Variants in UGT1A7 observed in about 807,000 individuals in gnomAD.
The protein encoded by UGT1A7 is UDP glucuronosyltransferase family 1 member A7, also known as UDP-glucuronosyltransferase 1A7.
Under a neutral mutation model 45.6 loss-of-function variants are expected in UGT1A7, and 33 were observed. That is an observed-to-expected ratio of 0.72 (90% CI 0.55 to 0.97). The LOEUF is 0.97. Ranked by LOEUF, UGT1A7 falls within the 50% of genes least tolerant of loss-of-function variation. The pLI is 0.00. For synonymous variants in UGT1A7, 274 were observed against 250.6 expected (o/e 1.09, Z -0.88); for missense variants, 684 against 666.2 (o/e 1.03, Z -0.29).
At chr2:233,705,203 C>T (rs1366859032) in intron 1 of UGT1A7, among the ~76,000 whole-genome samples, 1 of 151,508 alleles carries the variant, frequency 6.6e-6, no homozygotes, top group Non-Finnish European at 1.5e-5. Flanking sequence ...CCTTTTATAA[C>T]TACATGATTA....
rs543813427 is a variant in UGT1A7, at chr2:233,762,081, T to A, written c.856-4953T>A. Among the ~76,000 whole-genome samples, 15 of 152,334 alleles carry A rather than the reference T, an allele frequency of 9.8e-5. No homozygotes were observed. In the South Asian group the frequency reaches 3.1e-3, roughly 32 times the overall value. On this transcript the variant is annotated intron_variant, in intron 1 of 4. Transcript: ENST00000373426. ...TAGCACATCAAATATGGCAGCCATT[T>A]CACTTAGATAGTTGTTGATTGTCCG...
chr2:233,687,382 A>T (rs951663704), intron 1 of UGT1A7, among the ~76,000 whole-genome samples: 1 of 152,126 alleles, frequency 6.6e-6, no homozygotes, highest in African/African-American at 2.4e-5. Context: ...AGAATTTGCA[A>T]ATTAAATATA....
chr2:233,743,474 G>T (rs762879751), intron 1 of UGT1A7: 8 of 1,366,712 alleles, frequency 5.9e-6, no homozygotes, highest in Middle Eastern at 2.1e-4. Context: ...CCAAAAGCTG[G>T]AAATTCACTG....
At chr2:233,713,891 C>G in intron 1 of UGT1A7, 4 of 1,613,316 alleles carry the variant, frequency 2.5e-6, no homozygotes, top group African/African-American at 2.7e-5. Context: ...AATCAATGTT[C>G]CAGGCAAAAC....
intron 1 of UGT1A7, chr2:233,752,367 A>G (rs1694954220): frequency 1.3e-5 from 2 of 152,220 alleles, no homozygotes; most frequent in Admixed American, 1.3e-4. Context: ...AGGGGTCTCA[A>G]GAGGGTCATC....
intron 1 of UGT1A7, among the ~76,000 whole-genome samples, chr2:233,715,114 G>A (rs1204303060): frequency 6.6e-6 from 1 of 152,076 alleles, no homozygotes; most frequent in Non-Finnish European, 1.5e-5. Context: ...TCAAATGCCT[G>A]ATCTCAAGTG....
At chr2:233,757,444 G>A (rs1344287126) in intron 1 of UGT1A7, among the ~76,000 whole-genome samples, 1 of 150,698 alleles carries the variant, frequency 6.6e-6, no homozygotes, top group Non-Finnish European at 1.5e-5. Context: ...CTTCTATACA[G>A]AAACATGTCC....
At chr2:233,712,094 C>T (rs961406471) in intron 1 of UGT1A7, among the ~76,000 whole-genome samples, 7 of 152,220 alleles carry the variant, frequency 4.6e-5, no homozygotes, top group South Asian at 2.1e-4. Flanking sequence ...GATGAATGGA[C>T]ACTTCAGTCT....
At chr2:233,686,369 A>G (rs760760776) in intron 1 of UGT1A7, among the ~76,000 whole-genome samples, 1 of 152,184 alleles carries the variant, frequency 6.6e-6, no homozygotes, top group Non-Finnish European at 1.5e-5. Flanking sequence ...TACTATCAAG[A>G]GAATGAAAAG....
chr2:233,701,392 G>A (rs2075625527), intron 1 of UGT1A7, among the ~76,000 whole-genome samples: 1 of 151,982 alleles, frequency 6.6e-6, no homozygotes, highest in South Asian at 2.1e-4. Flanking sequence ...CACAATAATA[G>A]TGGGAGACTT....
rs527503361 is a variant in UGT1A7 at position 233,743,746 on chromosome 2, C to T, written c.856-23288C>T. ...CATAGATATCGCGTTTCTTGGCGTC[C>T]GACAACACCTCGTAGGCCTCGGCCA... On this transcript the variant is annotated intron_variant, in intron 1 of 4. Coordinates refer to ENST00000373426, the MANE Select transcript of UGT1A7 (RefSeq NM_019077.3). The T allele has an allele frequency of 1.3e-5, 18 of 1,367,364 alleles. 1 individual carries two copies. The highest frequency in any genetic ancestry group is 1.0e-4 in the African/African-American group (7 of 67,556). 84.7% of individuals were successfully genotyped at this position (1,367,364 alleles called of 1,614,324 possible).
intron 1 of UGT1A7, chr2:233,719,224 A>C: frequency 1.2e-6 from 2 of 1,614,188 alleles, no homozygotes; most frequent in Non-Finnish European, 1.7e-6. Context: ...CTGCATAATG[A>C]GGCCCTGATC....
rs1004907287 is a variant in UGT1A7 at position 233,772,662 on chromosome 2, T to C, written c.*103T>C. 14 of 1,540,212 alleles carry C rather than the reference T, an allele frequency of 9.1e-6. No individual in the cohort carries two copies. The highest frequency in any genetic ancestry group is 8.3e-5 in the African/African-American group (6 of 72,644). On this transcript the variant is annotated 3_prime_UTR_variant, in exon 5 of 5. Coordinates refer to ENST00000373426, the MANE Select transcript of UGT1A7 (RefSeq NM_019077.3). ...ATTCATTTTATTCTTATTAAGGAAA[T>C]ACTTTGCATAAATTAATCAGCCCCA...
At chr2:233,761,622 G>A (rs1417511901) in intron 1 of UGT1A7, among the ~76,000 whole-genome samples, 3 of 152,238 alleles carry the variant, frequency 2.0e-5, no homozygotes, top group Non-Finnish European at 4.4e-5. Flanking sequence ...CTGATAAGAA[G>A]CTAAATCCTG....
At chr2:233,765,652 G>T (rs2126018835) in intron 1 of UGT1A7, among the ~76,000 whole-genome samples, 1 of 151,820 alleles carries the variant, frequency 6.6e-6, no homozygotes, top group East Asian at 1.9e-4. Context: ...GTCAATAGGT[G>T]CAGCAAACCA....
At chr2:233,719,076 C>A (rs2076722760) in intron 1 of UGT1A7, 1 of 1,614,264 alleles carries the variant, frequency 6.2e-7, no homozygotes, top group East Asian at 2.2e-5. Context: ...TCCATGGACC[C>A]AGAAGGAATT....
Position 233,718,785 on chromosome 2 carries a change from G to A in UGT1A7, c.855+35993G>A, listed in dbSNP as rs544842461. 94 of 1,613,086 alleles carry A rather than the reference G, an allele frequency of 5.8e-5. No homozygotes were observed. The East Asian group carries it at 1.3e-3, about 23-fold the overall frequency. On this transcript the variant is annotated intron_variant, in intron 1 of 4. Transcript: ENST00000373426. ...GAAACAAATGTAGCAGGCACAGCGTGGGGTGGACAGTCAGCTGTCGGTGGC... is the reference window on the plus strand; with the variant it reads ...GAAACAAATGTAGCAGGCACAGCGTAGGGTGGACAGTCAGCTGTCGGTGGC...
At chr2:233,746,083 T>C (rs1367851746) in intron 1 of UGT1A7, among the ~76,000 whole-genome samples, 2 of 151,832 alleles carry the variant, frequency 1.3e-5, no homozygotes, top group Admixed American at 1.3e-4. Flanking sequence ...GAGTCACTTC[T>C]ATACAGAAAC....
At chr2:233,695,806 G>A (rs1375966013) in intron 1 of UGT1A7, among the ~76,000 whole-genome samples, 3 of 152,098 alleles carry the variant, frequency 2.0e-5, no homozygotes, top group Non-Finnish European at 4.4e-5. Context: ...CTATCTGTGA[G>A]TGGAAAACAA....
Sources: allele counts gnomAD v4.1 joint callset (sites outside exome capture counted in the v4.1 genomes callset), GRCh38; gene constraint gnomAD v4.1.1; transcripts MANE v1.5; gene names NCBI Gene and HGNC (gene_info 2026-07-23, HGNC 2026-07-21).